PIKFYVE: variants seen among roughly 807,000 people sequenced by gnomAD.
PIKFYVE encodes 1-phosphatidylinositol 3-phosphate 5-kinase.
In PIKFYVE, 122 loss-of-function variants were observed where a neutral mutation model predicts 257.9. The observed-to-expected ratio is 0.47, with a 90% CI of 0.41 to 0.55. The LOEUF (loss-of-function observed/expected upper bound fraction) is 0.55. Ranked by LOEUF, PIKFYVE falls within the 20% of genes least tolerant of loss-of-function variation. The pLI is 0.00. For synonymous variants in PIKFYVE, 892 were observed against 868.9 expected (o/e 1.03, Z -0.47); for missense variants, 2,160 against 2,536.6 (o/e 0.85, Z 3.19).
At chr2:208,294,206 A>G (rs1270322660) in intron 7 of PIKFYVE, among the ~76,000 whole-genome samples, 1 of 152,162 alleles carries the variant, frequency 6.6e-6, no homozygotes, top group Non-Finnish European at 1.5e-5. Flanking sequence ...CTAAGAGTCC[A>G]TCAAAGGCAC....
At position 208,354,745 on chromosome 2, in the gene PIKFYVE, G is replaced by A. The variant is rs564516219; in HGVS notation, c.6181+100G>A. The A allele has an allele frequency of 1.3e-4, 121 of 940,326 alleles. No homozygotes were observed. The African/African-American group carries it at 2.0e-3, about 15-fold the overall frequency. 58.2% of individuals were successfully genotyped at this position (940,326 alleles called of 1,614,324 possible). On this transcript the variant is annotated intron_variant, in intron 41 of 41. Transcript: ENST00000264380. ...TCTTTTTTTTAGTTGTAAAAAATAAGTGGTTATCATTGATTTCATTGTCAT... is the reference window on the plus strand; with the variant it reads ...TCTTTTTTTTAGTTGTAAAAAATAAATGGTTATCATTGATTTCATTGTCAT...
intron 7 of PIKFYVE, among the ~76,000 whole-genome samples, chr2:208,291,669 G>C (rs186122916): frequency 6.6e-6 from 1 of 151,972 alleles, no homozygotes. Flanking sequence ...GGTCTGTTTC[G>C]ATTTTCATTT....
intron 1 of PIKFYVE, among the ~76,000 whole-genome samples, chr2:208,267,251 G>A (rs201925596): frequency 7.3e-6 from 1 of 137,590 alleles, no homozygotes; most frequent in African/African-American, 2.7e-5. Flanking sequence ...CCCCTTTTTT[G>A]GCACTCCAAA....
At chr2:208,306,132 G>T (rs9283521) in intron 12 of PIKFYVE, among the ~76,000 whole-genome samples, 141,636 of 152,292 alleles carry the variant, frequency 0.93, 66,389 homozygotes, top group Non-Finnish European at 0.98. Context: ...AAATGGTACT[G>T]AAGAGTTATA....
intron 24 of PIKFYVE, among the ~76,000 whole-genome samples, chr2:208,334,863 A>G (rs1697958991): frequency 6.6e-6 from 1 of 152,128 alleles, no homozygotes; most frequent in African/African-American, 2.4e-5. Flanking sequence ...TTAACCGTGC[A>G]TGTAGGGCCT....
chr2:208,269,986 G>A (rs901972367), intron 1 of PIKFYVE: 14 of 206,726 alleles, frequency 6.8e-5, no homozygotes, highest in South Asian at 4.1e-4. Context: ...GACAGTGTGC[G>A]GATGGGGGCA....
rs531999604 is a variant in PIKFYVE, at chr2:208,341,489, G to T, written c.4932-1065G>T. Reference sequence around the variant, plus strand: ...TATATGCTCTTATGATTCCTGTCTTGGTCCGTTCATGCTGCTCTGATGAAT... The same window carrying T: ...TATATGCTCTTATGATTCCTGTCTTTGTCCGTTCATGCTGCTCTGATGAAT... On this transcript the variant is annotated intron_variant, in intron 31 of 41. Transcript: ENST00000264380. Among the ~76,000 whole-genome samples the T allele has an allele frequency of 2.0e-5, 3 of 152,044 alleles. No individual in the cohort carries two copies. In the East Asian group the frequency reaches 5.8e-4, roughly 29 times the overall value.
In PIKFYVE at chr2:208,326,052, T is replaced by C. The variant is rs1250015144; in HGVS notation, c.3241T>C (p.Phe1081Leu). The C allele has an allele frequency of 6.2e-7, 1 of 1,614,014 alleles. No homozygotes were observed. The highest frequency in any genetic ancestry group is 8.5e-7 in the Non-Finnish European group (1 of 1,180,022). ...GATGAGATGCTCTACCCGAGATTATTTTGCAGAGCAGGTTTACTGGTCTCC... is the reference window on the plus strand; with the variant it reads ...GATGAGATGCTCTACCCGAGATTATCTTGCAGAGCAGGTTTACTGGTCTCC... ...KGMRCSTRDY[F>L]AEQVYWSPLL... The change falls in exon 20 of 42, where the codon TTT becomes CTT. Residue 1081 changes from phenylalanine (F) to leucine (L), a missense_variant. Physicochemically the swap from Phe to Leu is conservative, Grantham distance 22. Transcript: ENST00000264380.
intron 5 of PIKFYVE, among the ~76,000 whole-genome samples, chr2:208,285,509 A>T (rs1468393122): frequency 6.6e-6 from 1 of 151,958 alleles, no homozygotes; most frequent in East Asian, 1.9e-4. Flanking sequence ...TTTGATTTTT[A>T]GTGCCAGAAT....
intron 7 of PIKFYVE, 132 bp downstream of exon 7, chr2:208,288,950 A>G (rs886198058): frequency 1.3e-5 from 16 of 1,190,818 alleles, no homozygotes; most frequent in Admixed American, 2.2e-5. Flanking sequence ...GAATTAAACT[A>G]TCATTTTCTT....
chr2:208,314,499 C>A, intron 14 of PIKFYVE, 76 bp downstream of exon 14: 1 of 1,468,072 alleles, frequency 6.8e-7, no homozygotes, highest in Non-Finnish European at 9.3e-7. Context: ...ATGCATCATT[C>A]CTCTTAAAAA....
chr2:208,310,972 T>TAAAA (rs1694873538), intron 12 of PIKFYVE, among the ~76,000 whole-genome samples: 1 of 152,212 alleles, frequency 6.6e-6, no homozygotes, highest in African/African-American at 2.4e-5. Context: ...TTTATTTTTA[T>TAAAA]GAGAGTTGTG....
intron 27 of PIKFYVE, 43 bp from the exon 28 acceptor site, chr2:208,336,795 G>C (rs746503559): frequency 7.2e-7 from 1 of 1,385,780 alleles, no homozygotes; most frequent in Non-Finnish European, 1.0e-6. Flanking sequence ...CAAGGGGCTA[G>C]AAACAAACCA....
intron 16 of PIKFYVE, among the ~76,000 whole-genome samples, chr2:208,319,686 G>A (rs1462029958): frequency 6.6e-6 from 1 of 152,126 alleles, no homozygotes; most frequent in Non-Finnish European, 1.5e-5. Context: ...TTAAGCACAC[G>A]ATTAGGGTAT....
chr2:208,335,454 T>C (rs748358077), intron 25 of PIKFYVE, 35 bp downstream of exon 25: 1 of 1,374,054 alleles, frequency 7.3e-7, no homozygotes, highest in Non-Finnish European at 1.0e-6. Flanking sequence ...TTTTTTTGTT[T>C]ATTTACAGCT....
At chr2:208,275,789 G>A (rs1690028251) in intron 3 of PIKFYVE, among the ~76,000 whole-genome samples, 1 of 152,238 alleles carries the variant, frequency 6.6e-6, no homozygotes, top group Non-Finnish European at 1.5e-5. Flanking sequence ...TTTGCCATAG[G>A]TTATCAGTTT....
Position 208,277,579 on chromosome 2 carries a change from A to G in PIKFYVE, c.484A>G (p.Lys162Glu), listed in dbSNP as rs749221865. 8 of 1,613,798 alleles carry G rather than the reference A, an allele frequency of 5.0e-6. No individual in the cohort carries two copies. Among genetic ancestry groups the G allele is most frequent in the Non-Finnish European group, 6.8e-6 (8 of 1,179,796 alleles). Residue 162 changes from lysine to glutamate, a missense_variant, in exon 5 of 42, where the codon AAA (lysine) becomes GAA (glutamate). Lys to Glu is a moderately conservative substitution (Grantham distance 56). Around this residue, in one of 12 missense-constraint regions of PIKFYVE, gnomAD observed 28 missense variants for 68.2 expected, o/e 0.41. Transcript: ENST00000264380. ...KQYWMPDSQCKECYDCSEKFT... is the reference protein window; with the variant it reads ...KQYWMPDSQCEECYDCSEKFT... ...ATACTGGATGCCAGATAGCCAATGTAAAGAGTGCTATGACTGTAGTGAGAA... is the reference window on the plus strand; with the variant it reads ...ATACTGGATGCCAGATAGCCAATGTGAAGAGTGCTATGACTGTAGTGAGAA...
intron 14 of PIKFYVE, among the ~76,000 whole-genome samples, chr2:208,314,820 C>G (rs1695298342): frequency 6.6e-6 from 1 of 151,954 alleles, no homozygotes; most frequent in African/African-American, 2.4e-5. Flanking sequence ...TGCTTGAACT[C>G]AAGAGGCGGA....
At position 208,325,675 on chromosome 2, in the gene PIKFYVE, A is replaced by C; in HGVS notation, c.2864A>C (p.His955Pro). Reference protein sequence around the residue: ...NLPQAVASVKHQEHSTTACPA... With the variant: ...NLPQAVASVKPQEHSTTACPA... ...CCGCAGGCTGTTGCCTCTGTGAAGC[A>C]TCAAGAACATAGCACAACAGCTTGC... Residue 955 changes from histidine to proline, a missense_variant, in exon 20 of 42, where the codon CAT becomes CCT. His to Pro is a moderately conservative substitution (Grantham distance 77). This residue lies in a region of PIKFYVE where 522 missense variants were observed against 514.6 expected (regional missense o/e 1.01). Transcript: ENST00000264380. The C allele has an allele frequency of 6.2e-7, 1 of 1,614,160 alleles. No individual in the cohort carries two copies. Among genetic ancestry groups the C allele is most frequent in the Non-Finnish European group, 8.5e-7 (1 of 1,180,030 alleles).
Sources: allele counts gnomAD v4.1 joint callset (sites outside exome capture counted in the v4.1 genomes callset), GRCh38; gene constraint gnomAD v4.1.1; regional missense constraint gnomAD v4.1.1; transcripts MANE v1.5; gene names NCBI Gene and HGNC (gene_info 2026-07-23, HGNC 2026-07-21).